WNT2: variants seen among roughly 807,000 people sequenced by gnomAD.
The protein encoded by WNT2 is Wnt family member 2, also known as protein Wnt-2.
Under a neutral mutation model 36.9 loss-of-function variants are expected in WNT2, and 12 were observed. The observed-to-expected ratio is 0.33, with a 90% confidence interval of 0.21 to 0.53. The LOEUF is 0.53. WNT2 is among the 20% of genes least tolerant of loss of function. The pLI, the probability that WNT2 is intolerant of heterozygous loss-of-function variation, is 0.95. For synonymous variants in WNT2, 163 were observed against 174.6 expected (o/e 0.93, Z 0.52); for missense variants, 379 against 473.1 (o/e 0.80, Z 1.84).
rs377188020 is a variant in WNT2, at chr7:117,315,151, C to T, written c.508G>A (p.Ala170Thr). Residue 170 changes from alanine (A) to threonine (T), a missense_variant, in exon 3 of 5, where the codon GCA (alanine) becomes ACA (threonine). Ala to Thr is a moderately conservative substitution (Grantham distance 58, BLOSUM62 0). Coordinates refer to ENST00000265441, the MANE Select transcript of WNT2 (RefSeq NM_003391.3). ...NIDYGIKFAR[A>T]FVDAKERKGK... ...TTCCTTTCCTTTGCATCCACAAATGCGCGGGCAAATTTGATCCCATAGTCA... is the reference window on the plus strand; with the variant it reads ...TTCCTTTCCTTTGCATCCACAAATGTGCGGGCAAATTTGATCCCATAGTCA... 31 of 1,614,060 alleles carry T rather than the reference C, an allele frequency of 1.9e-5. No homozygotes were observed. The highest frequency in any genetic ancestry group is 4.5e-5 in the East Asian group (2 of 44,894).
chr7:117,313,739 T>G (rs1313432000), intron 3 of WNT2, among the ~76,000 whole-genome samples: 1 of 152,228 alleles, frequency 6.6e-6, no homozygotes, highest in Non-Finnish European at 1.5e-5. Context: ...GTGTAAATTT[T>G]TTTATCCAAA....
At chr7:117,318,408 C>T (rs2116391866) in intron 2 of WNT2, among the ~76,000 whole-genome samples, 1 of 152,286 alleles carries the variant, frequency 6.6e-6, no homozygotes, top group East Asian at 1.9e-4. Flanking sequence ...ACCTGGCCTT[C>T]TGTGAAGAAT....
rs1040303146 is a variant in WNT2 at position 117,276,191 on chromosome 7, C to A, written c.*1964G>T. Among the ~76,000 whole-genome samples, 1 of 152,218 alleles carries A rather than the reference C, an allele frequency of 6.6e-6. No homozygotes were observed. Among genetic ancestry groups the A allele is most frequent in the Non-Finnish European group, 1.5e-5 (1 of 68,042 alleles). The stretch of plus-strand genomic sequence containing the variant: ...CCCAAACTAAAGGAAGCTGAGATGT[C>A]TCCTAAGATCCTTTCCAATTTGAAA... On this transcript the variant is annotated 3_prime_UTR_variant, in exon 5 of 5. Coordinates refer to ENST00000265441, the MANE Select transcript of WNT2 (RefSeq NM_003391.3).
In WNT2 at chr7:117,284,556, C is replaced by T. The variant is rs1031545446; in HGVS notation, c.854-6172G>A. Among the ~76,000 whole-genome samples, 1 of 152,240 alleles carries T rather than the reference C, an allele frequency of 6.6e-6. No individual in the cohort carries two copies. The highest frequency in any genetic ancestry group is 1.5e-5 in the Non-Finnish European group (1 of 68,046). On this transcript the variant is annotated intron_variant, in intron 4 of 4. Transcript: ENST00000265441. This position sits in a 1 kb window ranked among gnomAD's most constrained non-coding sequence, Gnocchi z 5.2. ...GACAAACCCAGCTACATCTATCAGC[C>T]TTAATCCCATAAGGGTGAGTTTTCA...
chr7:117,292,085 A>G (rs890106843), intron 4 of WNT2, among the ~76,000 whole-genome samples: 3 of 152,212 alleles, frequency 2.0e-5, no homozygotes, highest in South Asian at 4.2e-4. Context: ...CCAGCTTTCT[A>G]TTTCTTAGGA....
chr7:117,321,539 TA>T (rs1795325751), intron 1 of WNT2, among the ~76,000 whole-genome samples: 1 of 152,206 alleles, frequency 6.6e-6, no homozygotes, highest in Non-Finnish European at 1.5e-5. Context: ...TGTTCTCTAT[TA>T]GTCGTGAAAT....
At chr7:117,309,296 A>T (rs1463142802) in intron 3 of WNT2, among the ~76,000 whole-genome samples, 2 of 152,148 alleles carry the variant, frequency 1.3e-5, no homozygotes, top group African/African-American at 4.8e-5. Context: ...CACTTTCTGT[A>T]GGTGGAACTT....
intron 4 of WNT2, among the ~76,000 whole-genome samples, chr7:117,297,148 C>T (rs780289354): frequency 6.6e-6 from 1 of 152,154 alleles, no homozygotes; most frequent in Non-Finnish European, 1.5e-5. Context: ...TTGCCCTGGA[C>T]ATTGTGGGGT....
Position 117,292,594 on chromosome 7 carries a change from A to G in WNT2, c.853+5018T>C, listed in dbSNP as rs555078055. 3.9e-5 allele frequency among the ~76,000 whole-genome samples: 6 copies of G among 152,260 alleles called. No homozygotes were observed. The East Asian group carries it at 1.2e-3, about 29-fold the overall frequency. On this transcript the variant is annotated intron_variant, in intron 4 of 4. Transcript: ENST00000265441. ...AATAACCTGGGGTCTCGACTCTGCAATTTTTCGCATCAAAGTTCACTAGCC... is the reference window on the plus strand; with the variant it reads ...AATAACCTGGGGTCTCGACTCTGCAGTTTTTCGCATCAAAGTTCACTAGCC...
At chr7:117,307,655 T>C (rs1441966103) in intron 3 of WNT2, among the ~76,000 whole-genome samples, 1 of 152,258 alleles carries the variant, frequency 6.6e-6, no homozygotes, top group Non-Finnish European at 1.5e-5. Flanking sequence ...TCAGTTCTTC[T>C]GAAGACTGAG....
At position 117,285,490 on chromosome 7, in the gene WNT2, C is replaced by G. The variant is rs113465283; in HGVS notation, c.854-7106G>C. Reference sequence around the variant, plus strand: ...TTACTCAGTCTGATCATCTACCTAACTCTTCATACTTCATTTGAAGATTCT... The same window carrying G: ...TTACTCAGTCTGATCATCTACCTAAGTCTTCATACTTCATTTGAAGATTCT... On this transcript the variant is annotated intron_variant, in intron 4 of 4. Coordinates refer to ENST00000265441, the MANE Select transcript of WNT2 (RefSeq NM_003391.3). Among the ~76,000 whole-genome samples the G allele has an allele frequency of 2.9e-3, 437 of 152,332 alleles. 2 individuals are homozygous for G. The highest frequency in any genetic ancestry group is 9.4e-3 in the African/African-American group (391 of 41,584).
At chr7:117,309,059 G>A (rs1328401124) in intron 3 of WNT2, among the ~76,000 whole-genome samples, 1 of 151,784 alleles carries the variant, frequency 6.6e-6, no homozygotes, top group East Asian at 1.9e-4. Flanking sequence ...TGAGCACAGT[G>A]GCATATGCCT....
chr7:117,281,207 C>A (rs930525658), intron 4 of WNT2, among the ~76,000 whole-genome samples: 2 of 152,096 alleles, frequency 1.3e-5, no homozygotes, highest in Non-Finnish European at 2.9e-5. Context: ...GAAAGGGAGG[C>A]TGGAGCAACA....
At chr7:117,295,159 T>C (rs10251836) in intron 4 of WNT2, among the ~76,000 whole-genome samples, 6 of 149,742 alleles carry the variant, frequency 4.0e-5, no homozygotes, top group African/African-American at 1.5e-4. Context: ...CAAGATGAGA[T>C]GAGACGAGAC....
chr7:117,306,089 C>T (rs917380918), intron 3 of WNT2, among the ~76,000 whole-genome samples: 2 of 152,246 alleles, frequency 1.3e-5, no homozygotes, highest in African/African-American at 4.8e-5. Flanking sequence ...TAGACTGTGG[C>T]TTCTCCATCC....
chr7:117,314,050 T>C (rs1456061036), intron 3 of WNT2, among the ~76,000 whole-genome samples: 1 of 152,222 alleles, frequency 6.6e-6, no homozygotes, highest in Non-Finnish European at 1.5e-5. Flanking sequence ...CAGGGACCTT[T>C]CAATTTTATG....
chr7:117,287,123 C>T (rs982744974), intron 4 of WNT2, among the ~76,000 whole-genome samples: 14 of 152,138 alleles, frequency 9.2e-5, no homozygotes, highest in Non-Finnish European at 1.0e-4. Flanking sequence ...CCAAGGCAGG[C>T]GGATCACAAG....
intron 3 of WNT2, among the ~76,000 whole-genome samples, chr7:117,310,223 C>G (rs758157663): frequency 1.3e-5 from 2 of 152,130 alleles, no homozygotes; most frequent in Non-Finnish European, 2.9e-5. Flanking sequence ...CTGTTCAATG[C>G]CTTCCTCTTG....
intron 3 of WNT2, among the ~76,000 whole-genome samples, chr7:117,312,564 C>T (rs944672631): frequency 1.3e-5 from 2 of 152,164 alleles, no homozygotes; most frequent in African/African-American, 2.4e-5. Context: ...CTGAAGGATG[C>T]TATAGAATTT....
Sources: gnomAD v4.1 joint callset for allele counts (sites outside exome capture counted in the v4.1 genomes callset) on GRCh38, gnomAD v4.1.1 for gene constraint, Gnocchi (gnomAD v3.1) non-coding constraint, MANE v1.5 for transcripts, NCBI Gene and HGNC (gene_info 2026-07-23, HGNC 2026-07-21) for gene names.